CTNNA1: variants seen among roughly 807,000 people sequenced by gnomAD.
The protein encoded by CTNNA1 is catenin alpha 1, also known as catenin alpha-1.
In CTNNA1, 37 loss-of-function variants were observed where a neutral mutation model predicts 98.4. That is an observed-to-expected ratio of 0.38 (90% CI 0.29 to 0.49). The LOEUF (loss-of-function observed/expected upper bound fraction) is 0.49. CTNNA1 is among the 20% of genes least tolerant of loss of function. The pLI, the probability that CTNNA1 is intolerant of heterozygous loss-of-function variation, is 0.95. For synonymous variants in CTNNA1, 404 were observed against 413.2 expected, an observed-to-expected ratio of 0.98 and a Z score of 0.27; for missense variants, 761 against 1,147.2, an observed-to-expected ratio of 0.66 and a Z score of 4.86.
chr5:138,781,424 C>A (rs1580975419), intron 1 of CTNNA1, among the ~76,000 whole-genome samples: 2 of 151,996 alleles, frequency 1.3e-5, no homozygotes, highest in Admixed American at 1.3e-4. Context: ...GGCGTGGTGG[C>A]GGGCCCCTGT....
At chr5:138,853,643 G>T (rs1307288110) in intron 7 of CTNNA1, among the ~76,000 whole-genome samples, 1 of 152,168 alleles carries the variant, frequency 6.6e-6, no homozygotes, top group African/African-American at 2.4e-5. Context: ...GACTATCAGG[G>T]TTAAATCACA....
At chr5:138,921,266 C>T (rs1762860472) in intron 11 of CTNNA1, among the ~76,000 whole-genome samples, 1 of 152,190 alleles carries the variant, frequency 6.6e-6, no homozygotes, top group Non-Finnish European at 1.5e-5. Context: ...GATTTCCATT[C>T]TCTGTGCTTA....
chr5:138,905,111 A>AATAC (rs58678514), intron 10 of CTNNA1, among the ~76,000 whole-genome samples: 41 of 139,326 alleles, frequency 2.9e-4, no homozygotes, highest in South Asian at 1.1e-3. Context: ...AAAAAAAAAA[A>AATAC]ATACATACAT....
rs562826589 is a variant in CTNNA1, at chr5:138,799,937, C to T, written c.302-10101C>T. Among the ~76,000 whole-genome samples, 12 of 152,112 alleles carry T rather than the reference C, an allele frequency of 7.9e-5. No homozygotes were observed. The East Asian group carries it at 2.3e-3, about 29-fold the overall frequency. ...TTAGAGACAGAGTCTTGCTCTGTCG[C>T]CCAGTCTGGAGTGCAGTGGTGCCAT... On this transcript the variant is annotated intron_variant, in intron 3 of 17. Coordinates refer to ENST00000302763, the MANE Select transcript of CTNNA1 (RefSeq NM_001903.5).
chr5:138,885,377 G>A (rs1483697966), intron 7 of CTNNA1, among the ~76,000 whole-genome samples: 1 of 152,138 alleles, frequency 6.6e-6, no homozygotes, highest in Non-Finnish European at 1.5e-5. Context: ...GCGAAAACAA[G>A]CTTTTAATAT....
At chr5:138,848,935 A>C (rs1762958191) in intron 7 of CTNNA1, among the ~76,000 whole-genome samples, 1 of 152,032 alleles carries the variant, frequency 6.6e-6, no homozygotes, top group Non-Finnish European at 1.5e-5. Flanking sequence ...TGTTGGTCAG[A>C]CTGGTCTCGA....
At chr5:138,811,385 T>C (rs1758767409) in intron 4 of CTNNA1, among the ~76,000 whole-genome samples, 2 of 98,394 alleles carry the variant, frequency 2.0e-5, no homozygotes, top group Non-Finnish European at 4.3e-5. Flanking sequence ...CGCTCCTCAC[T>C]TCCCAGATGG....
chr5:138,818,584 T>C (rs1046740857), intron 5 of CTNNA1, among the ~76,000 whole-genome samples: 1 of 152,112 alleles, frequency 6.6e-6, no homozygotes, highest in Admixed American at 6.6e-5. Context: ...GTAGGAGCAA[T>C]AGTACAGTCT....
intron 7 of CTNNA1, among the ~76,000 whole-genome samples, chr5:138,851,088 G>T (rs1763142399): frequency 6.6e-6 from 1 of 152,224 alleles, no homozygotes; most frequent in South Asian, 2.1e-4. Context: ...AAAACATGCA[G>T]TGTAATGTCA....
chr5:138,757,639 A>G (rs192332351), intron 1 of CTNNA1, among the ~76,000 whole-genome samples: 148 of 152,230 alleles, frequency 9.7e-4, no homozygotes, highest in Middle Eastern at 6.8e-3. Context: ...GGTGCATTAC[A>G]TTATGCTGTA....
At chr5:138,864,001 T>C (rs1764515901) in intron 7 of CTNNA1, among the ~76,000 whole-genome samples, 1 of 152,200 alleles carries the variant, frequency 6.6e-6, no homozygotes, top group Non-Finnish European at 1.5e-5. Context: ...CTTGCTCTGT[T>C]ATCTAGGCTG....
chr5:138,904,368 C>G lies in CTNNA1; in HGVS notation c.1316C>G (p.Ser439Cys). 1 of 1,613,882 alleles carries G rather than the reference C, an allele frequency of 6.2e-7. No individual in the cohort carries two copies. Among genetic ancestry groups the G allele is most frequent in the East Asian group, 2.2e-5 (1 of 44,876 alleles). Residue 439 changes from serine (S) to cysteine (C), a missense_variant, in exon 10 of 18, where the codon TCC becomes TGC. Around this residue, in one of 6 missense-constraint regions of CTNNA1, gnomAD observed 287 missense variants for 436.0 expected, o/e 0.66. Coordinates refer to ENST00000302763, the MANE Select transcript of CTNNA1 (RefSeq NM_001903.5). ...TTATAGGTTGCCAACTTGGCCTGTT[C>G]CATCTCAAATAATGAAGAAGGTGTA... ...KLIEVANLAC[S>C]ISNNEEGVKL...
intron 7 of CTNNA1, chr5:138,875,036 C>T: frequency 1.1e-6 from 1 of 936,896 alleles, no homozygotes. Flanking sequence ...CCAGGCTTTC[C>T]AAGTAAAATT....
At chr5:138,875,647 G>C in intron 7 of CTNNA1, 1 of 985,436 alleles carries the variant, frequency 1.0e-6, no homozygotes, top group Non-Finnish European at 1.2e-6. Context: ...GAGAGCCAGT[G>C]TTAGACTGCC....
chr5:138,815,733 G>A (rs1333268743), intron 5 of CTNNA1, among the ~76,000 whole-genome samples: 2 of 151,650 alleles, frequency 1.3e-5, no homozygotes, highest in African/African-American at 4.8e-5. Context: ...GCATTTTCTT[G>A]GGTTTATAGT....
intron 3 of CTNNA1, among the ~76,000 whole-genome samples, chr5:138,799,769 AT>A (rs1307251762): frequency 6.6e-6 from 1 of 151,808 alleles, no homozygotes; most frequent in Non-Finnish European, 1.5e-5. Flanking sequence ...TTTCTGATGT[AT>A]TTTTTCATTA....
intron 3 of CTNNA1, among the ~76,000 whole-genome samples, chr5:138,790,581 T>G (rs1756244853): frequency 6.6e-6 from 1 of 152,200 alleles, no homozygotes; most frequent in African/African-American, 2.4e-5. Context: ...TCTTTTTAAT[T>G]GGAATTCCAC....
chr5:138,852,865 G>GTGCGCACGCGCACACACA (rs1554089793), intron 7 of CTNNA1, among the ~76,000 whole-genome samples: 1 of 151,586 alleles, frequency 6.6e-6, no homozygotes, highest in African/African-American at 2.4e-5. Flanking sequence ...CTTTTCGCGC[G>GTGCGCACGCGCACACACA]CGCGCGCACA....
At chr5:138,924,937 G>A (rs1471469141) in intron 12 of CTNNA1, among the ~76,000 whole-genome samples, 4 of 152,234 alleles carry the variant, frequency 2.6e-5, no homozygotes, top group South Asian at 2.1e-4. Flanking sequence ...CTAAACACAC[G>A]ATTTAAGATG....
Sources: allele counts gnomAD v4.1 joint callset (sites outside exome capture counted in the v4.1 genomes callset), GRCh38; gene constraint gnomAD v4.1.1; regional missense constraint gnomAD v4.1.1; transcripts MANE v1.5; gene names NCBI Gene and HGNC (gene_info 2026-07-23, HGNC 2026-07-21).